Variants in TTC3 observed in about 807,000 individuals in gnomAD.
TTC3 encodes the protein E3 ubiquitin-protein ligase TTC3.
A neutral mutation model predicts 249.6 loss-of-function variants in TTC3; 180 were observed. The observed-to-expected ratio is 0.72, with a 90% CI of 0.64 to 0.82. The LOEUF (loss-of-function observed/expected upper bound fraction) is 0.82, where lower values mean the gene tolerates loss of function less well. Ranked by LOEUF, TTC3 falls within the 40% of genes least tolerant of loss-of-function variation. The pLI is 0.00. For missense variants in TTC3, 2,061 were observed against 2,398.4 expected, an observed-to-expected ratio of 0.86 and a Z score of 2.94; for synonymous variants, 717 against 805.0, an observed-to-expected ratio of 0.89 and a Z score of 1.85.
intron 39 of TTC3, among the ~76,000 whole-genome samples, chr21:37,189,638 C>T (rs1466807048): frequency 1.3e-5 from 2 of 152,078 alleles, no homozygotes; most frequent in South Asian, 2.1e-4. Context: ...AGCTCTGCCT[C>T]CCGAGTTCAC....
chr21:37,092,107 ACTGCCTTAC>A (rs2073352384), intron 7 of TTC3, among the ~76,000 whole-genome samples: 3 of 152,172 alleles, frequency 2.0e-5, no homozygotes, highest in East Asian at 3.8e-4. Context: ...GTATGAGGTA[ACTGCCTTAC>A]ATATTTCTTT....
chr21:37,126,596 A>G (rs2077060136), intron 15 of TTC3, among the ~76,000 whole-genome samples: 1 of 152,202 alleles, frequency 6.6e-6, no homozygotes. Flanking sequence ...CCCAATAACT[A>G]ATTTTCACCC....
intron 10 of TTC3, among the ~76,000 whole-genome samples, chr21:37,105,120 G>A (rs2074949485): frequency 6.6e-6 from 1 of 152,188 alleles, no homozygotes; most frequent in South Asian, 2.1e-4. Flanking sequence ...CTACTGAGAA[G>A]CCAGTTACAG....
In TTC3 at chr21:37,114,837, G is replaced by A. The variant is rs187620444; in HGVS notation, c.900+6391G>A. On this transcript the variant is annotated intron_variant, in intron 11 of 45. Coordinates refer to ENST00000355666, the Ensembl canonical transcript of TTC3. Reference sequence around the variant, plus strand: ...GAAAATATGGCACATATACACCATGGAATACTAAGCAGCCATAAAAAATGA... The same window carrying A: ...GAAAATATGGCACATATACACCATGAAATACTAAGCAGCCATAAAAAATGA... Among the ~76,000 whole-genome samples, 222 of 152,186 alleles carry A rather than the reference G, an allele frequency of 1.5e-3. 2 individuals carry two copies. Among genetic ancestry groups the A allele is most frequent in the African/African-American group, 4.9e-3 (203 of 41,484 alleles).
At chr21:37,170,015 C>T (rs2081609569) in intron 34 of TTC3, among the ~76,000 whole-genome samples, 2 of 151,644 alleles carry the variant, frequency 1.3e-5, no homozygotes, top group South Asian at 4.2e-4. Context: ...AAGATTTTAG[C>T]ATAAAAAATG....
intron 11 of TTC3, among the ~76,000 whole-genome samples, chr21:37,109,774 C>T (rs184888886): frequency 0.013 from 1,917 of 152,334 alleles, 39 homozygotes; most frequent in African/African-American, 0.043. Context: ...TCAAGTGGGT[C>T]CCTGACCCCC....
chr21:37,183,793 G>A (rs1215375428), intron 36 of TTC3, among the ~76,000 whole-genome samples: 1 of 152,214 alleles, frequency 6.6e-6, no homozygotes, highest in African/African-American at 2.4e-5. Flanking sequence ...TGGTGCAGAA[G>A]TGGAAGCCAC....
intron 18 of TTC3, among the ~76,000 whole-genome samples, chr21:37,136,461 CTTA>C (rs1365668048): frequency 6.6e-6 from 1 of 152,152 alleles, no homozygotes; most frequent in African/African-American, 2.4e-5. Context: ...TGCAGAGAGT[CTTA>C]GTGGTCTGGG....
At chr21:37,088,097 T>C in intron 3 of TTC3, 99 bp from the exon 4 acceptor site, 2 of 1,114,490 alleles carry the variant, frequency 1.8e-6, no homozygotes, top group Non-Finnish European at 2.5e-6. Flanking sequence ...CATTCATTTC[T>C]TCCCTCTCCA....
chr21:37,124,109 G>GTTTTTTTTTTTTTTTTTTTTTTTTTTT (rs1167142816), intron 13 of TTC3, among the ~76,000 whole-genome samples: 1 of 26,156 alleles, frequency 3.8e-5, no homozygotes, highest in African/African-American at 1.5e-4. Flanking sequence ...TTTTTGAACT[G>GTTTTTTTTTTTTTTTTTTTTTTTTTTT]TTCTTTTTTT....
intron 15 of TTC3, among the ~76,000 whole-genome samples, chr21:37,128,077 A>G (rs1474031207): frequency 6.6e-6 from 1 of 152,220 alleles, no homozygotes; most frequent in Non-Finnish European, 1.5e-5. Context: ...GTTTTGTCCA[A>G]GGTCACAGAA....
Position 37,123,613 on chromosome 21 carries a change from C to T in TTC3, c.1109+585C>T, listed in dbSNP as rs373432703. Among the ~76,000 whole-genome samples, 4 of 152,226 alleles carry T rather than the reference C, an allele frequency of 2.6e-5. No individual in the cohort carries two copies. The East Asian group carries it at 7.7e-4, about 29-fold the overall frequency. Reference sequence around the variant, plus strand: ...ATTCTTGTTCAGATGTCTGGGATACCGAAGCTGCTAATTCTGTAGCATGCT... The same window carrying T: ...ATTCTTGTTCAGATGTCTGGGATACTGAAGCTGCTAATTCTGTAGCATGCT... On this transcript the variant is annotated intron_variant, in intron 13 of 45. Transcript: ENST00000355666.
intron 1 of TTC3, among the ~76,000 whole-genome samples, chr21:37,077,480 T>C (rs1363301069): frequency 6.6e-6 from 1 of 152,210 alleles, no homozygotes; most frequent in East Asian, 1.9e-4. Flanking sequence ...CAAAATAATG[T>C]CAGATTACTT....
At chr21:37,140,006 A>G (rs1003144488) in intron 19 of TTC3, among the ~76,000 whole-genome samples, 37 of 152,280 alleles carry the variant, frequency 2.4e-4, no homozygotes, top group African/African-American at 8.4e-4. Context: ...ATGTTTTCCA[A>G]AAACAAAATT....
At chr21:37,181,447 C>T (rs965375955) in intron 35 of TTC3, among the ~76,000 whole-genome samples, 2 of 152,172 alleles carry the variant, frequency 1.3e-5, no homozygotes, top group Non-Finnish European at 2.9e-5. Flanking sequence ...CTGGTAGAAC[C>T]GAACCAGGTG....
chr21:37,180,769 AT>A (rs911213950), intron 35 of TTC3, among the ~76,000 whole-genome samples: 1 of 145,524 alleles, frequency 6.9e-6, no homozygotes, highest in African/African-American at 2.6e-5. Context: ...ATAAAAAAAA[AT>A]GGCTTTATAA....
chr21:37,146,664 A>C (rs74330765), intron 21 of TTC3, among the ~76,000 whole-genome samples: 1 of 152,232 alleles, frequency 6.6e-6, no homozygotes, highest in Non-Finnish European at 1.5e-5. Flanking sequence ...ATATAGTGAC[A>C]GAAAGTAGAC....
Position 37,087,544 on chromosome 21 carries a change from G to A in TTC3, c.144+143G>A, listed in dbSNP as rs1022362803. On this transcript the variant is annotated intron_variant, in intron 2 of 45. Coordinates refer to ENST00000355666, the Ensembl canonical transcript of TTC3. ...GCTGTTGAAAAGTTGATTTGAGAAG[G>A]GAAAGTAAGCACTGGCTCAAAAATA... 12 of 1,091,426 alleles carry A rather than the reference G, an allele frequency of 1.1e-5. No individual in the cohort carries two copies. In the Admixed American group the frequency reaches 2.8e-4, roughly 25 times the overall value. 67.6% of individuals were successfully genotyped at this position (1,091,426 alleles called of 1,614,324 possible).
Position 37,087,883 on chromosome 21 carries a change from C to A in TTC3, c.187+8C>A. On this transcript the variant is annotated splice_region_variant and intron_variant, in intron 3 of 45. Transcript: ENST00000355666. Reference sequence around the variant, plus strand: ...AAAGTGAGAGGAATTTGGGTGAGTACGTTGGTATTTTTAATGTTAATTTAT... The same window carrying A: ...AAAGTGAGAGGAATTTGGGTGAGTAAGTTGGTATTTTTAATGTTAATTTAT... The A allele has an allele frequency of 6.3e-7, 1 of 1,592,118 alleles. No individual in the cohort carries two copies. The highest frequency in any genetic ancestry group is 8.6e-7 in the Non-Finnish European group (1 of 1,166,384).
Sources: gnomAD v4.1 joint callset for allele counts (sites outside exome capture counted in the v4.1 genomes callset) on GRCh38, gnomAD v4.1.1 for gene constraint, MANE v1.5 for transcripts, NCBI Gene and HGNC (gene_info 2026-07-23, HGNC 2026-07-21) for gene names.